The following SYTL5 variants were observed in gnomAD, a reference collection of about 807,000 sequenced individuals.
SYTL5 encodes synaptotagmin like 5.
SYTL5 carries 34 observed loss-of-function variants against 55.9 expected under a neutral mutation model. The ratio of observed to expected loss-of-function variants is 0.61; its 90% CI spans 0.46 to 0.81. The LOEUF (loss-of-function observed/expected upper bound fraction) is 0.81. Ranked by LOEUF, SYTL5 falls within the 30% of genes least tolerant of loss-of-function variation. The pLI, the probability that SYTL5 is intolerant of heterozygous loss-of-function variation, is 0.00. For synonymous variants in SYTL5, 221 were observed against 188.7 expected (o/e 1.17, Z -1.40); for missense variants, 637 against 546.7 (o/e 1.17, Z -1.65).
the SYTL5 span, among the ~76,000 whole-genome samples, chrX:37,893,298 A>C: frequency 4.1e-5 from 4 of 98,714 alleles, no homozygotes; most frequent in African/African-American, 7.4e-5. Flanking sequence ...ATACCACACT[A>C]TATACTATAT....
chrX:37,947,956 T>C, the SYTL5 span, among the ~76,000 whole-genome samples: 1 of 111,793 alleles, frequency 8.9e-6, no homozygotes, highest in Non-Finnish European at 1.9e-5. Flanking sequence ...TTCCTGATGT[T>C]TTTATACATT....
At chrX:38,035,525 A>G (rs1267215934) in intron 2 of SYTL5, among the ~76,000 whole-genome samples, 1 of 105,386 alleles carries the variant, frequency 9.5e-6, no homozygotes, top group Non-Finnish European at 1.9e-5. Flanking sequence ...CGGGAGGCGG[A>G]GCTTGCAGTG....
chrX:38,047,441 G>A (rs1027292283), intron 2 of SYTL5, among the ~76,000 whole-genome samples: 1 of 113,011 alleles, frequency 8.8e-6, no homozygotes, highest in Admixed American at 9.3e-5. Context: ...GCTCTACATT[G>A]CCCCCTTTCA....
chrX:38,125,229 CACTTGTGTACACGCTG>C, intron 15 of SYTL5, 53 bp from the exon 16 acceptor site: 1 of 941,901 alleles, frequency 1.1e-6, no homozygotes, highest in Admixed American at 2.4e-5. Flanking sequence ...AGACACATCA[CACTTGTGTACACGCTG>C]ACATTTTCTG....
chrX:37,964,108 A>AT, the SYTL5 span, among the ~76,000 whole-genome samples: 45 of 111,425 alleles, frequency 4.0e-4, no homozygotes, highest in African/African-American at 1.4e-3. Flanking sequence ...TTGGGAAGCA[A>AT]TTAGGTCATG....
At chrX:37,891,974 G>A in the SYTL5 span, among the ~76,000 whole-genome samples, 1 of 111,877 alleles carries the variant, frequency 8.9e-6, no homozygotes, top group Non-Finnish European at 1.9e-5. Context: ...GATGAAATAT[G>A]TAAAGCAACT....
At chrX:38,103,085 A>G (rs1404102514) in intron 10 of SYTL5, 2 of 1,146,423 alleles carry the variant, frequency 1.7e-6, no homozygotes, top group Admixed American at 5.3e-5. Flanking sequence ...ATGCTGACTC[A>G]GACACTGTGA....
upstream of SYTL5, among the ~76,000 whole-genome samples, chrX:38,005,766 C>A (rs1206364553): frequency 9.0e-6 from 1 of 111,505 alleles, no homozygotes; most frequent in Non-Finnish European, 1.9e-5. Context: ...AAAGTAATAA[C>A]TCTCTTGGTA....
the SYTL5 span, among the ~76,000 whole-genome samples, chrX:37,936,700 G>A: frequency 9.0e-6 from 1 of 111,057 alleles, no homozygotes; most frequent in South Asian, 3.9e-4. Context: ...CCCAACAGTT[G>A]ATATAGTCCA....
At chrX:38,047,744 C>T (rs970122585) in intron 2 of SYTL5, among the ~76,000 whole-genome samples, 8 of 112,018 alleles carry the variant, frequency 7.1e-5, no homozygotes, top group Non-Finnish European at 1.3e-4. Context: ...CCTTTTAAAA[C>T]TGAATGCTTT....
chrX:37,901,784 G>C, the SYTL5 span, among the ~76,000 whole-genome samples: 1 of 111,619 alleles, frequency 9.0e-6, no homozygotes, highest in African/African-American at 3.3e-5. Context: ...TTGCCATTCA[G>C]GTGAGGATGT....
At chrX:37,905,887 G>A in the SYTL5 span, among the ~76,000 whole-genome samples, 1 of 113,146 alleles carries the variant, frequency 8.8e-6, no homozygotes, top group South Asian at 3.6e-4. Flanking sequence ...GCATCCGGCT[G>A]TGAGCCCCGT....
At chrX:37,946,085 C>A in the SYTL5 span, 1 of 118,275 alleles carries the variant, frequency 8.5e-6, no homozygotes. Context: ...TTCTTTTTAC[C>A]TGGGTTTCTA....
the SYTL5 span, among the ~76,000 whole-genome samples, chrX:37,895,633 G>A: frequency 3.7e-5 from 4 of 108,705 alleles, no homozygotes; most frequent in African/African-American, 1.4e-4. Context: ...AAATTATAGG[G>A]CAACATTGAG....
the SYTL5 span, among the ~76,000 whole-genome samples, chrX:37,964,344 T>C: frequency 8.9e-6 from 1 of 112,368 alleles, no homozygotes; most frequent in South Asian, 3.7e-4. Context: ...CAGCTTATGT[T>C]CTTTTGTTAT....
At chrX:38,073,536 C>A in intron 4 of SYTL5, 54 bp from the exon 5 acceptor site, 1 of 915,495 alleles carries the variant, frequency 1.1e-6, no homozygotes, top group Non-Finnish European at 1.5e-6. Context: ...TAAATTTGCT[C>A]TCATTTCTGG....
chrX:38,066,806 T>G (rs983067098), intron 3 of SYTL5, among the ~76,000 whole-genome samples: 1 of 112,030 alleles, frequency 8.9e-6, no homozygotes. Context: ...GTATAAAGCA[T>G]GTGGGATTTC....
chrX:38,123,032 G>A (rs1357362931), intron 15 of SYTL5, among the ~76,000 whole-genome samples: 7 of 112,541 alleles, frequency 6.2e-5, no homozygotes, highest in Non-Finnish European at 1.1e-4. Context: ...CATTCTTTGA[G>A]TCGGATGGCA....
At chrX:38,040,206 T>C (rs972800633) in intron 2 of SYTL5, among the ~76,000 whole-genome samples, 1 of 110,140 alleles carries the variant, frequency 9.1e-6, no homozygotes, top group Non-Finnish European at 1.9e-5. Context: ...TATTTGTGGG[T>C]ACATAGTAGG....
Sources: gnomAD v4.1 joint callset for allele counts (sites outside exome capture counted in the v4.1 genomes callset) on GRCh38, gnomAD v4.1.1 for gene constraint, MANE v1.5 for transcripts, NCBI Gene and HGNC (gene_info 2026-07-23, HGNC 2026-07-21) for gene names.